The following TRPM3 variants were observed in gnomAD, a reference collection of about 807,000 sequenced individuals.
TRPM3 encodes the protein transient receptor potential cation channel subfamily M member 3.
Under a neutral mutation model 181.2 loss-of-function variants are expected in TRPM3, and 77 were observed. The ratio of observed to expected loss-of-function variants is 0.42; its 90% CI spans 0.35 to 0.51. The LOEUF is 0.51. Among genes scored for constraint, TRPM3 ranks in the 20% least tolerant of loss-of-function variants. The pLI, the probability that TRPM3 is intolerant of heterozygous loss-of-function variation, is 0.01. For synonymous variants in TRPM3, 745 were observed against 796.4 expected, an observed-to-expected ratio of 0.94 and a Z score of 1.09; for missense variants, 1,759 against 2,196.7, an observed-to-expected ratio of 0.80 and a Z score of 3.98.
chr9:70,925,617 A>G (rs2096713339), intron 1 of TRPM3, among the ~76,000 whole-genome samples: 3 of 152,070 alleles, frequency 2.0e-5, no homozygotes, highest in African/African-American at 2.4e-5. Context: ...CACAGCTCCA[A>G]TGCAGCTTTC....
intron 1 of TRPM3, among the ~76,000 whole-genome samples, chr9:71,198,718 A>G (rs1344188549): frequency 6.6e-6 from 1 of 151,028 alleles, no homozygotes; most frequent in Non-Finnish European, 1.5e-5. Flanking sequence ...TTGTACATTG[A>G]TTTTGTATCC....
chr9:71,256,300 T>G (rs1351869707), intron 1 of TRPM3, among the ~76,000 whole-genome samples: 2 of 152,166 alleles, frequency 1.3e-5, no homozygotes, highest in African/African-American at 4.8e-5. Flanking sequence ...GTCCTAACTT[T>G]CTTGCACTGC....
chr9:70,761,482 G>T, intron 8 of TRPM3, 119 bp downstream of exon 8: 1 of 1,420,340 alleles, frequency 7.0e-7, no homozygotes, highest in Non-Finnish European at 9.9e-7. Flanking sequence ...TGGAGCCTGA[G>T]GAGAGCTGTA....
At chr9:71,075,738 T>C (rs1336887244) in intron 1 of TRPM3, among the ~76,000 whole-genome samples, 1 of 152,218 alleles carries the variant, frequency 6.6e-6, no homozygotes, top group Non-Finnish European at 1.5e-5. Flanking sequence ...TAAAGCAAAA[T>C]GTTTTCTTAT....
intron 1 of TRPM3, among the ~76,000 whole-genome samples, chr9:71,187,448 A>T (rs942465591): frequency 6.6e-6 from 1 of 152,084 alleles, no homozygotes; most frequent in Admixed American, 6.6e-5. Context: ...AAAAGGGATG[A>T]GAGAATAGCG....
intron 1 of TRPM3, among the ~76,000 whole-genome samples, chr9:70,909,211 T>C (rs1436760087): frequency 1.3e-5 from 2 of 152,184 alleles, no homozygotes; most frequent in Non-Finnish European, 1.5e-5. Context: ...TAGAAAGCCA[T>C]CTAATTTAGA....
At chr9:71,364,319 CTT>C (rs923372886) in intron 1 of TRPM3, among the ~76,000 whole-genome samples, 20 of 152,090 alleles carry the variant, frequency 1.3e-4, no homozygotes, top group African/African-American at 4.6e-4. Flanking sequence ...TTTAAGGAAA[CTT>C]GAACATTCAA....
chr9:71,219,307 C>G (rs2080091602), intron 1 of TRPM3, among the ~76,000 whole-genome samples: 1 of 152,118 alleles, frequency 6.6e-6, no homozygotes, highest in South Asian at 2.1e-4. Flanking sequence ...AGAAACAGCA[C>G]CCATCAGTGT....
intron 1 of TRPM3, among the ~76,000 whole-genome samples, chr9:71,186,958 A>T (rs1283536896): frequency 2.6e-5 from 4 of 152,068 alleles, no homozygotes; most frequent in Non-Finnish European, 4.4e-5. Flanking sequence ...TCTTAAAAAT[A>T]ATACGTGATA....
chr9:71,188,843 T>C (rs1335041880), intron 1 of TRPM3, among the ~76,000 whole-genome samples: 10 of 151,910 alleles, frequency 6.6e-5, no homozygotes, highest in Admixed American at 5.9e-4. Context: ...TCTCTTAAAA[T>C]TGAAACAAGG....
At chr9:71,134,443 T>C (rs2074628131) in intron 1 of TRPM3, among the ~76,000 whole-genome samples, 1 of 148,704 alleles carries the variant, frequency 6.7e-6, no homozygotes, top group African/African-American at 2.5e-5. Context: ...TCCCAGCTAC[T>C]TGGGAGGCTG....
At chr9:71,231,049 T>A (rs531060171) in intron 1 of TRPM3, among the ~76,000 whole-genome samples, 1 of 152,232 alleles carries the variant, frequency 6.6e-6, no homozygotes, top group Admixed American at 6.5e-5. Flanking sequence ...TTCCATGGAA[T>A]ATATCAAGCT....
chr9:70,895,836 G>C (rs1377482012), intron 1 of TRPM3, among the ~76,000 whole-genome samples: 1 of 152,062 alleles, frequency 6.6e-6, no homozygotes, highest in Non-Finnish European at 1.5e-5. Context: ...GATCTCATCA[G>C]GAACACACCT....
chr9:71,120,915 C>T (rs2073498107), intron 1 of TRPM3, among the ~76,000 whole-genome samples: 1 of 151,862 alleles, frequency 6.6e-6, no homozygotes, highest in South Asian at 2.1e-4. Flanking sequence ...TGGGGGAGCA[C>T]CAGGTAGCCC....
At chr9:70,971,036 T>C (rs188248940) in intron 1 of TRPM3, among the ~76,000 whole-genome samples, 2 of 152,310 alleles carry the variant, frequency 1.3e-5, no homozygotes, top group East Asian at 3.9e-4. Flanking sequence ...CACTCGCTGT[T>C]ATACACAATT....
chr9:71,296,792 T>TA (rs1373917675), intron 1 of TRPM3, among the ~76,000 whole-genome samples: 3 of 152,002 alleles, frequency 2.0e-5, no homozygotes, highest in African/African-American at 7.2e-5. Context: ...ATGGTAGCAA[T>TA]AAAAAGAAAG....
intron 3 of TRPM3, 141 bp from the exon 4 acceptor site, chr9:70,846,732 T>C (rs1426271581): frequency 1.6e-6 from 1 of 643,058 alleles, no homozygotes; most frequent in Non-Finnish European, 2.7e-6. Context: ...GGGGTGATCA[T>C]TTGCTTTATC....
rs2097073210 is a variant in TRPM3 at position 70,956,431 on chromosome 9, A to T, written c.178-91920T>A. Among the ~76,000 whole-genome samples, 6 of 152,058 alleles carry T rather than the reference A, an allele frequency of 3.9e-5. No homozygotes were observed. The South Asian group carries it at 1.2e-3, about 32-fold the overall frequency. ...AATCTACAATAAGTCTGCAAGGCAA[A>T]TGGAATAGTTGTAGCAAGCTCTTAA... is the stretch of plus-strand genomic sequence containing the variant. On this transcript the variant is annotated intron_variant, in intron 1 of 25. Coordinates refer to ENST00000677713, the MANE Select transcript of TRPM3 (RefSeq NM_001366145.2).
intron 1 of TRPM3, among the ~76,000 whole-genome samples, chr9:71,253,412 C>A (rs1353353191): frequency 1.3e-5 from 2 of 152,126 alleles, no homozygotes; most frequent in African/African-American, 2.4e-5. Flanking sequence ...GTGTGTACTC[C>A]TGTCATCTAG....
Sources: gnomAD v4.1 joint callset for allele counts (sites outside exome capture counted in the v4.1 genomes callset) on GRCh38, gnomAD v4.1.1 for gene constraint, MANE v1.5 for transcripts, NCBI Gene and HGNC (gene_info 2026-07-23, HGNC 2026-07-21) for gene names.